Variants in CHSY1 observed in about 807,000 individuals in gnomAD.
CHSY1 encodes N-acetylgalactosaminyl-proteoglycan 3-beta-glucuronosyltransferase 1.
A neutral mutation model predicts 59.8 loss-of-function variants in CHSY1; 13 were observed. That is an observed-to-expected ratio of 0.22 (90% CI 0.14 to 0.35). CHSY1 has a LOEUF of 0.35. Among genes scored for constraint, CHSY1 ranks in the 10% least tolerant of loss-of-function variants. The pLI is 1.00. For missense variants in CHSY1, 947 were observed against 1,030.6 expected (o/e 0.92, Z 1.11); for synonymous variants, 459 against 401.2 (o/e 1.14, Z -1.72).
In CHSY1 at chr15:101,177,864, G is replaced by A. The variant is rs1370028986; in HGVS notation, c.1933C>T (p.Arg645Ter). The A allele has an allele frequency of 1.2e-6, 2 of 1,614,150 alleles. No individual in the cohort carries two copies. Among genetic ancestry groups the A allele is most frequent in the Non-Finnish European group, 8.5e-7 (1 of 1,180,018 alleles). The change falls in exon 3 of 3, where the codon CGA (arginine) becomes TGA (stop). Residue 645 changes from arginine (R) to a stop codon, truncating the protein, a stop_gained. Coordinates refer to ENST00000254190, the MANE Select transcript of CHSY1 (RefSeq NM_014918.5). LOFTEE classifies it high-confidence loss of function. ...VFTTEFLQRC[R>*]ANTVLGQQIY... is the part of the protein sequence containing the mutation. ...TGTTGGCCCAGAACTGTATTTGCTC[G>A]ACATCGCTGAAGGAATTCTGTAGTA...
chr15:101,231,992 G>A (rs1314169532), intron 2 of CHSY1, among the ~76,000 whole-genome samples: 1 of 152,154 alleles, frequency 6.6e-6, no homozygotes, highest in Non-Finnish European at 1.5e-5. Context: ...TTCTCTGTGA[G>A]TTTAACATTA....
intron 2 of CHSY1, chr15:101,187,559 TTTA>T (rs2038386944): frequency 6.6e-6 from 1 of 152,210 alleles, no homozygotes; most frequent in Non-Finnish European, 1.5e-5. Flanking sequence ...TTAAGAGGAT[TTTA>T]TTATAAGGTA....
chr15:101,226,504 T>C (rs1013250919), intron 2 of CHSY1, among the ~76,000 whole-genome samples: 4 of 152,166 alleles, frequency 2.6e-5, no homozygotes, highest in African/African-American at 7.2e-5. Context: ...TCAGGCCTAT[T>C]TGTGCCCAAA....
chr15:101,220,698 C>T (rs1257371921), intron 2 of CHSY1, among the ~76,000 whole-genome samples: 1 of 152,214 alleles, frequency 6.6e-6, no homozygotes, highest in Non-Finnish European at 1.5e-5. Flanking sequence ...CTGACTGTAA[C>T]CCTCAATGTT....
At chr15:101,250,944 G>A (rs1384082584) in intron 1 of CHSY1, among the ~76,000 whole-genome samples, 193 bp downstream of exon 1, 1 of 152,218 alleles carries the variant, frequency 6.6e-6, no homozygotes, top group Non-Finnish European at 1.5e-5. Context: ...CCATGTTCCT[G>A]AGCGCCGCGC....
At chr15:101,216,365 T>C (rs965512212) in intron 2 of CHSY1, among the ~76,000 whole-genome samples, 4 of 152,348 alleles carry the variant, frequency 2.6e-5, no homozygotes, top group Non-Finnish European at 5.9e-5. Flanking sequence ...CATAGTCTTA[T>C]ATACAATCCA....
intron 2 of CHSY1, among the ~76,000 whole-genome samples, chr15:101,208,769 G>A (rs1215568545): frequency 4.6e-5 from 7 of 150,634 alleles, no homozygotes; most frequent in Non-Finnish European, 1.0e-4. Flanking sequence ...CACTGGACAC[G>A]TCTAAGGTGA....
chr15:101,231,310 G>C (rs1269188314), intron 2 of CHSY1, among the ~76,000 whole-genome samples: 2 of 152,176 alleles, frequency 1.3e-5, no homozygotes, highest in Non-Finnish European at 2.9e-5. Context: ...GACATAGATG[G>C]TAGGTATTAC....
intron 1 of CHSY1, 102 bp downstream of exon 1, chr15:101,251,035 G>C (rs1052191775): frequency 3.6e-6 from 4 of 1,123,406 alleles, no homozygotes; most frequent in African/African-American, 3.2e-5. Flanking sequence ...AGCCCAAGAA[G>C]GGCCTAGGAA....
intron 1 of CHSY1, among the ~76,000 whole-genome samples, chr15:101,243,910 A>C (rs1323778431): frequency 6.6e-6 from 1 of 152,216 alleles, no homozygotes; most frequent in Non-Finnish European, 1.5e-5. Context: ...GCAAAGTGTA[A>C]CAGTCTTTGC....
Position 101,241,194 on chromosome 15 carries a change from G to A in CHSY1, c.321-5617C>T, listed in dbSNP as rs1182876962. Among the ~76,000 whole-genome samples, 5 of 152,116 alleles carry A rather than the reference G, an allele frequency of 3.3e-5. No individual in the cohort carries two copies. The South Asian group carries it at 6.2e-4, about 19-fold the overall frequency. On this transcript the variant is annotated intron_variant, in intron 1 of 2. Coordinates refer to ENST00000254190, the MANE Select transcript of CHSY1 (RefSeq NM_014918.5). ...CAACCTCCGTCTCCCAGGTTCAAACGATTCTCCTGCCTCAGCCTCCCGAGT... is the reference window on the plus strand; with the variant it reads ...CAACCTCCGTCTCCCAGGTTCAAACAATTCTCCTGCCTCAGCCTCCCGAGT...
chr15:101,207,991 G>C (rs1027483654), intron 2 of CHSY1, among the ~76,000 whole-genome samples: 2 of 152,240 alleles, frequency 1.3e-5, no homozygotes, highest in South Asian at 2.1e-4. Context: ...CCGGGAAGGA[G>C]GCATTGCAAC....
At chr15:101,242,115 C>T (rs1305747422) in intron 1 of CHSY1, among the ~76,000 whole-genome samples, 4 of 152,146 alleles carry the variant, frequency 2.6e-5, no homozygotes, top group African/African-American at 7.2e-5. Context: ...ACAGATGTAG[C>T]AGATAGCAGG....
chr15:101,250,094 G>A (rs1202264082), intron 1 of CHSY1, among the ~76,000 whole-genome samples: 1 of 152,180 alleles, frequency 6.6e-6, no homozygotes, highest in African/African-American at 2.4e-5. Flanking sequence ...AAACTGAAGT[G>A]TAAAGGTATT....
At chr15:101,209,441 T>G (rs1265474755) in intron 2 of CHSY1, among the ~76,000 whole-genome samples, 1 of 152,148 alleles carries the variant, frequency 6.6e-6, no homozygotes, top group Non-Finnish European at 1.5e-5. Flanking sequence ...ATACATAGAC[T>G]TACGTAAGAA....
At position 101,178,652 on chromosome 15, in the gene CHSY1, T is replaced by C. The variant is rs1387921532; in HGVS notation, c.1145A>G (p.Lys382Arg). The change falls in exon 3 of 3, where the codon AAA (lysine) becomes AGA (arginine). Residue 382 changes from lysine (K) to arginine (R), a missense_variant. Lys to Arg is a conservative substitution (Grantham distance 26, BLOSUM62 2). Around this residue, in one of 4 missense-constraint regions of CHSY1, gnomAD observed 602 missense variants for 676.9 expected, o/e 0.89. Coordinates refer to ENST00000254190, the MANE Select transcript of CHSY1 (RefSeq NM_014918.5). The part of the protein sequence containing the change: ...EILEWEFLTG[K>R]YLYSAVDGQP... Reference sequence around the variant, plus strand: ...GCCGTCAACTGCCGAATACAAGTATTTTCCAGTCAGAAACTCCCATTCCAG... The same window carrying C: ...GCCGTCAACTGCCGAATACAAGTATCTTCCAGTCAGAAACTCCCATTCCAG... 7 of 1,614,106 alleles carry C rather than the reference T, an allele frequency of 4.3e-6. No individual in the cohort carries two copies. Among genetic ancestry groups the C allele is most frequent in the Non-Finnish European group, 5.9e-6 (7 of 1,180,042 alleles).
chr15:101,237,832 A>G (rs900007777), intron 1 of CHSY1, among the ~76,000 whole-genome samples: 1 of 152,264 alleles, frequency 6.6e-6, no homozygotes, highest in Non-Finnish European at 1.5e-5. Flanking sequence ...ATAAAATAGT[A>G]AATTTAATCT....
At position 101,213,716 on chromosome 15, in the gene CHSY1, C is replaced by G. The variant is rs568826197; in HGVS notation, c.816+21366G>C. Among the ~76,000 whole-genome samples the G allele has an allele frequency of 2.0e-5, 3 of 152,250 alleles. No homozygotes were observed. The East Asian group carries it at 5.8e-4, about 29-fold the overall frequency. On this transcript the variant is annotated intron_variant, in intron 2 of 2. Coordinates refer to ENST00000254190, the MANE Select transcript of CHSY1 (RefSeq NM_014918.5). ...ATTCCAAAACACTACAGCAGCACAG[C>G]AGCACAAAATATGTCTTTGTGATTA... is the stretch of plus-strand genomic sequence containing the variant.
chr15:101,191,919 T>C (rs553644960), intron 2 of CHSY1, among the ~76,000 whole-genome samples: 1 of 151,698 alleles, frequency 6.6e-6, no homozygotes, highest in African/African-American at 2.4e-5. Flanking sequence ...AAAAAAAAAA[T>C]TTACAGAAAT....
Sources: gnomAD v4.1 joint callset for allele counts (sites outside exome capture counted in the v4.1 genomes callset) on GRCh38, gnomAD v4.1.1 for gene constraint, gnomAD v4.1.1 regional missense constraint, MANE v1.5 for transcripts, NCBI Gene and HGNC (gene_info 2026-07-23, HGNC 2026-07-21) for gene names.